Variants in TANC1 observed in about 807,000 individuals in gnomAD.
TANC1 encodes protein TANC1.
Under a neutral mutation model 149.7 loss-of-function variants are expected in TANC1, and 77 were observed. The observed-to-expected ratio is 0.51, with a 90% CI of 0.43 to 0.62. TANC1 has a LOEUF of 0.62. Ranked by LOEUF, TANC1 falls within the 20% of genes least tolerant of loss-of-function variation. The pLI is 0.00. For missense variants in TANC1, 1,985 were observed against 2,321.8 expected, an observed-to-expected ratio of 0.85 and a Z score of 2.98; for synonymous variants, 854 against 925.0, an observed-to-expected ratio of 0.92 and a Z score of 1.39.
At chr2:159,107,650 A>ACCCAGCCCTATTGTTCCTCTTCC (rs1204397898) in intron 4 of TANC1, among the ~76,000 whole-genome samples, 2 of 152,132 alleles carry the variant, frequency 1.3e-5, no homozygotes, top group Admixed American at 1.3e-4. Context: ...TTGTGCCTTC[A>ACCCAGCCCTATTGTTCCTCTTCC]CCCAGCCCTA....
chr2:159,181,890 A>G (rs1190518382), intron 14 of TANC1, among the ~76,000 whole-genome samples: 1 of 152,160 alleles, frequency 6.6e-6, no homozygotes, highest in African/African-American at 2.4e-5. Context: ...CAGAAATAGA[A>G]TTATGAAGAT....
chr2:159,076,144 G>A (rs2149758865), intron 3 of TANC1, among the ~76,000 whole-genome samples: 1 of 151,950 alleles, frequency 6.6e-6, no homozygotes, highest in South Asian at 2.1e-4. Context: ...GTTTTTTTCT[G>A]TTGGGATTGT....
intron 4 of TANC1, among the ~76,000 whole-genome samples, chr2:159,106,679 G>GTATA (rs1451454966): frequency 1.3e-5 from 2 of 152,102 alleles, no homozygotes; most frequent in Admixed American, 1.3e-4. Context: ...TTTCCCTTGG[G>GTATA]TATATACCTA....
intron 22 of TANC1, 43 bp from the exon 23 acceptor site, chr2:159,224,189 C>T (rs370411747): frequency 1.9e-6 from 3 of 1,611,844 alleles, no homozygotes; most frequent in African/African-American, 1.3e-5. Flanking sequence ...CGCCCCTGAA[C>T]TCCTGTTCCC....
At chr2:159,149,717 C>T (rs1455844001) in intron 6 of TANC1, 2 of 196,998 alleles carry the variant, frequency 1.0e-5, no homozygotes. Context: ...AAGATGAGAT[C>T]AAATGGTCCA....
At chr2:159,164,820 C>T (rs962309363) in intron 8 of TANC1, among the ~76,000 whole-genome samples, 2 of 152,172 alleles carry the variant, frequency 1.3e-5, no homozygotes, top group African/African-American at 4.8e-5. Context: ...TGCTGAGGCA[C>T]AACTCTAATT....
At chr2:158,996,154 C>G (rs2036112790) in intron 1 of TANC1, among the ~76,000 whole-genome samples, 1 of 152,184 alleles carries the variant, frequency 6.6e-6, no homozygotes, top group South Asian at 2.1e-4. Context: ...AGTTCGAGAC[C>G]AGCCTGGGCA....
At chr2:159,109,706 G>T (rs1419291867) in intron 4 of TANC1, among the ~76,000 whole-genome samples, 1 of 152,176 alleles carries the variant, frequency 6.6e-6, no homozygotes, top group Non-Finnish European at 1.5e-5. Context: ...TCTTCCCTTG[G>T]CCCAGTGTCC....
rs547861193 is a variant in TANC1, at chr2:158,982,067, T to A, written c.-126+13285T>A. Among the ~76,000 whole-genome samples, 22 of 152,278 alleles carry A rather than the reference T, an allele frequency of 1.4e-4. 1 individual carries two copies. Among genetic ancestry groups the A allele is most frequent in the African/African-American group, 5.1e-4 (21 of 41,558 alleles). On this transcript the variant is annotated intron_variant, in intron 1 of 26. Coordinates refer to ENST00000263635, the MANE Select transcript of TANC1 (RefSeq NM_033394.3). ...TTGATATCCTTCCAAGTGCTAGTTG[T>A]ATGTCTGGGAAAAGTTAAAGGATTT...
chr2:159,194,395 C>G lies in TANC1; in HGVS notation c.2881C>G (p.Leu961Val). Residue 961 changes from leucine (L) to valine (V), a missense_variant, in exon 17 of 27, where the codon CTG becomes GTG. Physicochemically the swap from Leu to Val is conservative, Grantham distance 32. Around this residue, in one of 3 missense-constraint regions of TANC1, gnomAD observed 508 missense variants for 714.2 expected, o/e 0.71. Transcript: ENST00000263635. The stretch of plus-strand genomic sequence containing the variant: ...TCTGCTCCTGGAATTTGGTGCCTGC[C>G]TGGACGGAACGTCAGAGAACGGCAT... ...VTLLLEFGACLDGTSENGMTA... is the reference protein window; with the variant it reads ...VTLLLEFGACVDGTSENGMTA... The G allele has an allele frequency of 6.2e-7, 1 of 1,614,278 alleles. No homozygotes were observed. The highest frequency in any genetic ancestry group is 8.5e-7 in the Non-Finnish European group (1 of 1,180,060).
At chr2:159,134,996 T>C (rs2150190519) in intron 4 of TANC1, among the ~76,000 whole-genome samples, 1 of 152,314 alleles carries the variant, frequency 6.6e-6, no homozygotes, top group Admixed American at 6.5e-5. Flanking sequence ...TACAATAGAC[T>C]AATTTTAAAT....
Position 159,228,786 on chromosome 2 carries a change from T to C in TANC1, c.4051-10T>C. On this transcript the variant is annotated splice_polypyrimidine_tract_variant and intron_variant, in intron 25 of 26. Coordinates refer to ENST00000263635, the MANE Select transcript of TANC1 (RefSeq NM_033394.3). ...CTGCTTCTGACTCCTGTATTTCTTG[T>C]CGACACCAGGACTTTGGCATGGCAG... The C allele has an allele frequency of 6.2e-7, 1 of 1,608,370 alleles. No homozygotes were observed. The highest frequency in any genetic ancestry group is 1.1e-5 in the South Asian group (1 of 90,950).
intron 7 of TANC1, among the ~76,000 whole-genome samples, chr2:159,157,249 A>G (rs2150362022): frequency 6.6e-6 from 1 of 152,174 alleles, no homozygotes; most frequent in Middle Eastern, 3.4e-3. Context: ...AAGTGCCTTC[A>G]CTAGACCCCT....
intron 3 of TANC1, among the ~76,000 whole-genome samples, chr2:159,071,409 G>T (rs1402031122): frequency 6.6e-6 from 1 of 151,156 alleles, no homozygotes; most frequent in East Asian, 1.9e-4. Context: ...ATTTTTTTTT[G>T]ACCTTTACCT....
rs564092628 is a variant in TANC1, at chr2:159,119,699, C to T, written c.260-16495C>T. On this transcript the variant is annotated intron_variant, in intron 4 of 26. Coordinates refer to ENST00000263635, the MANE Select transcript of TANC1 (RefSeq NM_033394.3). ...GAGGTCACGATGGCCTGGGTTGCTG[C>T]AGGGGACGGCAGCAGGCACTCTTAG... Among the ~76,000 whole-genome samples, 7 of 152,268 alleles carry T rather than the reference C, an allele frequency of 4.6e-5. No individual in the cohort carries two copies. In the South Asian group the frequency reaches 1.2e-3, roughly 27 times the overall value.
chr2:159,146,916 G>T (rs564141843), intron 5 of TANC1, among the ~76,000 whole-genome samples: 2 of 149,542 alleles, frequency 1.3e-5, no homozygotes, highest in South Asian at 4.2e-4. Context: ...TGGGTTGGAT[G>T]GTAAGTTGTT....
chr2:159,065,709 T>C (rs1243431662), intron 2 of TANC1, among the ~76,000 whole-genome samples, 187 bp from the exon 3 acceptor site: 3 of 151,966 alleles, frequency 2.0e-5, no homozygotes, highest in Non-Finnish European at 2.9e-5. Flanking sequence ...TTATAGAACA[T>C]TCCTTGTGTC....
chr2:159,023,102 G>C (rs1412098164), intron 2 of TANC1, among the ~76,000 whole-genome samples: 1 of 152,148 alleles, frequency 6.6e-6, no homozygotes, highest in Admixed American at 6.5e-5. Context: ...TGAGACTTCT[G>C]CTTCCAAGTG....
chr2:159,031,269 A>G (rs898834113), intron 2 of TANC1, among the ~76,000 whole-genome samples: 2 of 152,230 alleles, frequency 1.3e-5, no homozygotes, highest in South Asian at 2.1e-4. Context: ...TTGAGCCAGC[A>G]AGGGGAGTGT....
Sources: allele counts gnomAD v4.1 joint callset (sites outside exome capture counted in the v4.1 genomes callset), GRCh38; gene constraint gnomAD v4.1.1; regional missense constraint gnomAD v4.1.1; transcripts MANE v1.5; gene names NCBI Gene and HGNC (gene_info 2026-07-23, HGNC 2026-07-21).